VWC2L: variants seen among roughly 807,000 people sequenced by gnomAD.
The protein encoded by VWC2L is von Willebrand factor C domain containing 2 like.
Under a neutral mutation model 21.6 loss-of-function variants are expected in VWC2L, and 10 were observed. The observed-to-expected ratio is 0.46, with a 90% CI of 0.29 to 0.78. The LOEUF (loss-of-function observed/expected upper bound fraction) is 0.78. VWC2L is among the 30% of genes least tolerant of loss of function. The pLI, the probability that VWC2L is intolerant of heterozygous loss-of-function variation, is 0.10. For missense variants in VWC2L, 209 were observed against 277.1 expected (o/e 0.75, Z 1.74); for synonymous variants, 96 against 94.3 (o/e 1.02, Z -0.10).
chr2:214,436,117 GA>G lies in VWC2L; in HGVS notation c.391-502del, dbSNP rs372014632. ...TGCAATCTTCTCTAATATTCACATT[GA>G]AAAAAAAAATGCCATTTAGAGTCTA... is the stretch of plus-strand genomic sequence containing the variant. On this transcript the variant is annotated intron_variant, in intron 2 of 3. Coordinates refer to ENST00000312504, the MANE Select transcript of VWC2L (RefSeq NM_001080500.4). 3.4e-3 allele frequency: 507 copies of G among 148,200 alleles called. 1 individual carries two copies. Among genetic ancestry groups the G allele is most frequent in the African/African-American group, 0.011 (454 of 40,376 alleles). The allele number at this position is 148,200 out of a possible 1,614,324, so 9.2% of individuals were successfully genotyped here. A position where few individuals can be genotyped will look rare whatever the true frequency, so the allele number is the denominator to read the frequency against.
At chr2:214,443,485 A>G (rs973116795) in intron 3 of VWC2L, among the ~76,000 whole-genome samples, 1 of 152,192 alleles carries the variant, frequency 6.6e-6, no homozygotes, top group African/African-American at 2.4e-5. Flanking sequence ...TAATTATGCA[A>G]CCTAACCAAA....
intron 2 of VWC2L, among the ~76,000 whole-genome samples, chr2:214,434,489 C>A (rs942615726): frequency 6.6e-6 from 1 of 152,180 alleles, no homozygotes. Context: ...AGCATCAGTA[C>A]ACAGAATGGT....
At chr2:214,533,386 G>C (rs1341712621) in intron 3 of VWC2L, among the ~76,000 whole-genome samples, 1 of 152,030 alleles carries the variant, frequency 6.6e-6, no homozygotes, top group East Asian at 1.9e-4. Flanking sequence ...GAGGCTGCTA[G>C]TATTAAACAG....
intron 2 of VWC2L, among the ~76,000 whole-genome samples, chr2:214,415,979 A>G (rs1042402560): frequency 2.6e-5 from 4 of 152,120 alleles, no homozygotes; most frequent in East Asian, 3.8e-4. Flanking sequence ...AATATTGTAT[A>G]TATTTTGACA....
intron 3 of VWC2L, among the ~76,000 whole-genome samples, chr2:214,470,312 C>T (rs536590414): frequency 6.6e-6 from 1 of 151,242 alleles, no homozygotes; most frequent in Non-Finnish European, 1.5e-5. Flanking sequence ...TAGAACACAA[C>T]TCTCCTCATT....
At chr2:214,561,474 T>A (rs948325647) in intron 3 of VWC2L, among the ~76,000 whole-genome samples, 4 of 152,076 alleles carry the variant, frequency 2.6e-5, no homozygotes, top group African/African-American at 7.2e-5. Flanking sequence ...AGAGAAAAAA[T>A]TAATTTTAAG....
chr2:214,540,254 A>G (rs1010785566), intron 3 of VWC2L, among the ~76,000 whole-genome samples: 17 of 152,190 alleles, frequency 1.1e-4, no homozygotes, highest in Non-Finnish European at 1.9e-4. Context: ...TTTATCGAGT[A>G]TTTTATGGAA....
At chr2:214,495,101 G>C (rs995079809) in intron 3 of VWC2L, among the ~76,000 whole-genome samples, 1 of 151,962 alleles carries the variant, frequency 6.6e-6, no homozygotes, top group African/African-American at 2.4e-5. Flanking sequence ...GGTTTTTATT[G>C]TTCTTGCTTT....
At chr2:214,539,695 G>A (rs906215753) in intron 3 of VWC2L, among the ~76,000 whole-genome samples, 1 of 152,048 alleles carries the variant, frequency 6.6e-6, no homozygotes, top group African/African-American at 2.4e-5. Context: ...TAATTAGATT[G>A]CATAAACTTT....
chr2:214,480,213 T>C (rs1241930744), intron 3 of VWC2L, among the ~76,000 whole-genome samples: 2 of 152,220 alleles, frequency 1.3e-5, no homozygotes, highest in South Asian at 4.1e-4. Context: ...AAAGGGCAAA[T>C]GAATTTTTAA....
Position 214,414,584 on chromosome 2 carries a change from G to T in VWC2L, c.390+1G>T. On this transcript the variant is annotated splice_donor_variant, in intron 2 of 3. Transcript: ENST00000312504. LOFTEE classifies it high-confidence loss of function. ...TTACAAAATCTTGGAGGAATTTAAGGTATGCGTTACCCTCCATATTTATTG... is the reference window on the plus strand; with the variant it reads ...TTACAAAATCTTGGAGGAATTTAAGTTATGCGTTACCCTCCATATTTATTG... 1 of 1,612,400 alleles carries T rather than the reference G, an allele frequency of 6.2e-7. No homozygotes were observed. Among genetic ancestry groups the T allele is most frequent in the Non-Finnish European group, 8.5e-7 (1 of 1,179,394 alleles).
chr2:214,468,295 G>A (rs1703255658), intron 3 of VWC2L, among the ~76,000 whole-genome samples: 1 of 152,166 alleles, frequency 6.6e-6, no homozygotes, highest in African/African-American at 2.4e-5. Context: ...TTACAGGCGT[G>A]AGCCATTGCA....
chr2:214,436,155 A>G (rs1702675727), intron 2 of VWC2L: 1 of 153,164 alleles, frequency 6.5e-6, no homozygotes, highest in African/African-American at 2.4e-5. Flanking sequence ...GTTGGCTTGA[A>G]AAAGAGTTCA....
At chr2:214,526,252 T>G (rs1313247122) in intron 3 of VWC2L, among the ~76,000 whole-genome samples, 1 of 151,990 alleles carries the variant, frequency 6.6e-6, no homozygotes, top group African/African-American at 2.4e-5. Flanking sequence ...GTTACATATT[T>G]AGAGGAAAAA....
At chr2:214,517,937 C>T (rs1286717041) in intron 3 of VWC2L, among the ~76,000 whole-genome samples, 2 of 152,166 alleles carry the variant, frequency 1.3e-5, no homozygotes, top group African/African-American at 4.8e-5. Context: ...GAGGCCAAGG[C>T]AGGCAGATCA....
At chr2:214,533,830 T>C (rs943009825) in intron 3 of VWC2L, among the ~76,000 whole-genome samples, 2 of 152,062 alleles carry the variant, frequency 1.3e-5, no homozygotes, top group Non-Finnish European at 2.9e-5. Context: ...ATTGTTGGAG[T>C]TATCTAAGGA....
chr2:214,557,599 C>T (rs994320623), intron 3 of VWC2L, among the ~76,000 whole-genome samples: 3 of 152,124 alleles, frequency 2.0e-5, no homozygotes, highest in Non-Finnish European at 4.4e-5. Context: ...ATTAGGCGTC[C>T]CCAGTCAGCT....
chr2:214,549,704 C>T lies in VWC2L; in HGVS notation c.521-25968C>T, dbSNP rs1024555985. Among the ~76,000 whole-genome samples, 9 of 152,134 alleles carry T rather than the reference C, an allele frequency of 5.9e-5. No individual in the cohort carries two copies. In the South Asian group the frequency reaches 1.9e-3, roughly 32 times the overall value. ...AGGAGAATCATTTGAACCCGGGAGG[C>T]AGAGGTTGCAGTGAGCCGAGATCGT... On this transcript the variant is annotated intron_variant, in intron 3 of 3. Transcript: ENST00000312504.
chr2:214,550,549 G>A (rs79739543), intron 3 of VWC2L, among the ~76,000 whole-genome samples: 2,507 of 151,990 alleles, frequency 0.016, 64 homozygotes, highest in African/African-American at 0.056. Context: ...TGTTTTCTCC[G>A]TCTCAGGGAG....
Sources: gnomAD v4.1 joint callset for allele counts (sites outside exome capture counted in the v4.1 genomes callset) on GRCh38, gnomAD v4.1.1 for gene constraint, MANE v1.5 for transcripts, NCBI Gene and HGNC (gene_info 2026-07-23, HGNC 2026-07-21) for gene names.